The following TM4SF19 variants were observed in gnomAD, a reference collection of about 807,000 sequenced individuals.
TM4SF19 encodes the protein transmembrane 4 L six family member 19.
In TM4SF19, 17 loss-of-function variants were observed where a neutral mutation model predicts 21.8. The ratio of observed to expected loss-of-function variants is 0.78; its 90% CI spans 0.53 to 1.17. TM4SF19 has a LOEUF of 1.17. Among genes scored for constraint, TM4SF19 ranks in the 50% most tolerant of loss-of-function variants. The pLI, the probability that TM4SF19 is intolerant of heterozygous loss-of-function variation, is 0.00. For missense variants in TM4SF19, 216 were observed against 252.1 expected, an observed-to-expected ratio of 0.86 and a Z score of 0.97; for synonymous variants, 107 against 106.7, an observed-to-expected ratio of 1.00 and a Z score of -0.02.
chr3:196,326,324 T>C (rs982484944), intron 3 of TM4SF19, among the ~76,000 whole-genome samples: 1 of 152,112 alleles, frequency 6.6e-6, no homozygotes, highest in Non-Finnish European at 1.5e-5. Context: ...TCCCAACATG[T>C]GGGCTGCAGA....
intron 1 of TM4SF19, among the ~76,000 whole-genome samples, chr3:196,330,635 T>C (rs1396664921): frequency 6.6e-6 from 1 of 152,172 alleles, no homozygotes; most frequent in African/African-American, 2.4e-5. Flanking sequence ...TTTCTATATA[T>C]ACGAAATTCT....
At chr3:196,335,086 T>G (rs1288164850) in intron 1 of TM4SF19, among the ~76,000 whole-genome samples, 1 of 7,748 alleles carries the variant, frequency 1.3e-4, no homozygotes. Context: ...ACTGGGAGGG[T>G]GGGGGTAGGA....
intron 1 of TM4SF19, among the ~76,000 whole-genome samples, chr3:196,331,800 A>G (rs1727523713): frequency 6.6e-6 from 1 of 151,934 alleles, no homozygotes; most frequent in African/African-American, 2.4e-5. Context: ...AAGAAAAAAA[A>G]ATGTAATAGA....
At chr3:196,336,624 T>C (rs1727772717) in intron 1 of TM4SF19, among the ~76,000 whole-genome samples, 1 of 152,224 alleles carries the variant, frequency 6.6e-6, no homozygotes, top group Non-Finnish European at 1.5e-5. Context: ...CCCTAGAAAT[T>C]ATAACATTTG....
At chr3:196,326,206 C>T (rs2108805939) in intron 3 of TM4SF19, among the ~76,000 whole-genome samples, 1 of 152,204 alleles carries the variant, frequency 6.6e-6, no homozygotes, top group East Asian at 1.9e-4. Flanking sequence ...AACTCCTGAC[C>T]TCAGGTGATC....
In TM4SF19 at chr3:196,325,064, G is replaced by A. The variant is rs910686778; in HGVS notation, c.280-624C>T. 31 of 152,310 alleles carry A rather than the reference G, an allele frequency of 2.0e-4. No individual in the cohort carries two copies. The highest frequency in any genetic ancestry group is 7.5e-4 in the African/African-American group (31 of 41,454). The allele number at this position is 152,310 out of a possible 1,614,324, so 9.4% of individuals were successfully genotyped here. A position where few individuals can be genotyped will look rare whatever the true frequency, so the allele number is the denominator to read the frequency against. ...TCTGTCGCTGTGTTTCTCCAGCTGAGAGCTTTCTTGGCCATCAGTCTGTGC... is the reference window on the plus strand; with the variant it reads ...TCTGTCGCTGTGTTTCTCCAGCTGAAAGCTTTCTTGGCCATCAGTCTGTGC... On this transcript the variant is annotated intron_variant, in intron 3 of 4. Coordinates refer to ENST00000273695, the MANE Select transcript of TM4SF19 (RefSeq NM_138461.4). This position sits in a 1 kb window ranked among gnomAD's most constrained non-coding sequence, Gnocchi z 4.3.
intron 1 of TM4SF19, among the ~76,000 whole-genome samples, chr3:196,333,388 C>T (rs950789692): frequency 9.9e-5 from 15 of 151,988 alleles, no homozygotes; most frequent in South Asian, 2.1e-4. Context: ...GTAAGAAGTT[C>T]GCAACAATAA....
At chr3:196,327,181 C>G (rs1195385336) in intron 2 of TM4SF19, 149 bp from the exon 3 acceptor site, 1 of 793,158 alleles carries the variant, frequency 1.3e-6, no homozygotes, top group East Asian at 2.7e-5. Flanking sequence ...TATGACGAGC[C>G]TGATCTAACG....
At chr3:196,327,675 GA>G in intron 1 of TM4SF19, 84 bp from the exon 2 acceptor site, 1 of 1,204,334 alleles carries the variant, frequency 8.3e-7, no homozygotes. Flanking sequence ...ATGGGTGAGG[GA>G]AACAGACTAC....
intron 1 of TM4SF19, among the ~76,000 whole-genome samples, chr3:196,334,380 TC>T (rs1337620759): frequency 2.0e-5 from 3 of 149,362 alleles, no homozygotes; most frequent in Non-Finnish European, 4.5e-5. Context: ...CTTTTCTTTT[TC>T]TTTTTTTTTT....
At chr3:196,335,911 C>G (rs55739218) in intron 1 of TM4SF19, among the ~76,000 whole-genome samples, 53,036 of 151,682 alleles carry the variant, frequency 0.35, 10,302 homozygotes, top group East Asian at 0.81. Flanking sequence ...GATGTCTGAC[C>G]GGGGCCCAAG....
In TM4SF19 at chr3:196,327,525, A is replaced by C; in HGVS notation, c.66T>G (p.Leu22=). 6.2e-7 allele frequency: 1 copy of C among 1,614,122 alleles called. No homozygotes were observed. The highest frequency in any genetic ancestry group is 8.5e-7 in the Non-Finnish European group (1 of 1,180,042). The change falls in exon 2 of 5, where the codon CTT becomes CTG. Residue 22 remains leucine, a synonymous_variant. Coordinates refer to ENST00000273695, the MANE Select transcript of TM4SF19 (RefSeq NM_138461.4). ...RTCSRILGLS[L]GTAALFAAGA... ...CAGCAGCAAACAGGGCTGCAGTCCC[A>C]AGGCTCAGTCCCAGGATACGGGAGC...
Position 196,327,032 on chromosome 3 carries a change from C to T in TM4SF19, c.202G>A (p.Val68Ile), listed in dbSNP as rs150423371. 1.2e-6 allele frequency: 2 copies of T among 1,600,932 alleles called. No homozygotes were observed. Among genetic ancestry groups the T allele is most frequent in the Non-Finnish European group, 8.6e-7 (1 of 1,168,830 alleles). Residue 68 changes from valine to isoleucine, a missense_variant and splice_region_variant, in exon 3 of 5, where the codon GTA (valine) becomes ATA (isoleucine). Transcript: ENST00000273695. Reference protein sequence around the residue: ...GTGLWGGGLMVLTAAILISLM... With the variant: ...GTGLWGGGLMILTAAILISLM... Reference sequence around the variant, plus strand: ...GAGATGAGGATAGCTGCAGTGAGTACCTGCAGGAGAGAGAAGAATGTTGAG... The same window carrying T: ...GAGATGAGGATAGCTGCAGTGAGTATCTGCAGGAGAGAGAAGAATGTTGAG...
rs1017905777 is a variant in TM4SF19 at position 196,325,954 on chromosome 3, T to C, written c.279+1001A>G. On this transcript the variant is annotated intron_variant, in intron 3 of 4. Coordinates refer to ENST00000273695, the MANE Select transcript of TM4SF19 (RefSeq NM_138461.4). This position sits in a 1 kb window ranked among gnomAD's most constrained non-coding sequence, Gnocchi z 4.3. The stretch of plus-strand genomic sequence containing the variant: ...GACAGTGAATGAAATGTGCAAGTGT[T>C]TATTTATTTATCTATGTACTTATTT... Among the ~76,000 whole-genome samples the C allele has an allele frequency of 3.3e-5, 5 of 152,080 alleles. No homozygotes were observed. The highest frequency in any genetic ancestry group is 6.5e-5 in the Admixed American group (1 of 15,270).
In TM4SF19 at chr3:196,324,359, C is replaced by G. The variant is rs780275294; in HGVS notation, c.361G>C (p.Asp121His). 1.2e-6 allele frequency: 2 copies of G among 1,614,206 alleles called. No individual in the cohort carries two copies. Among genetic ancestry groups the G allele is most frequent in the Non-Finnish European group, 1.7e-6 (2 of 1,180,054 alleles). The stretch of plus-strand genomic sequence containing the variant: ...ACATCAAACATGCAAAAAGGACCAT[C>G]TTTCAGAGCAACTCCAGAAGTGACA... ...CFVTSGVALK[D>H]GPFCMFDVSS... The change falls in exon 4 of 5, where the codon GAT becomes CAT. Residue 121 changes from aspartate (D) to histidine (H), a missense_variant. Asp to His is a moderately conservative substitution (Grantham distance 81). Transcript: ENST00000273695.
intron 3 of TM4SF19, among the ~76,000 whole-genome samples, chr3:196,326,354 G>A (rs1345526570): frequency 6.6e-6 from 1 of 151,910 alleles, no homozygotes; most frequent in Non-Finnish European, 1.5e-5. Context: ...AGGCTGTGGA[G>A]TTACCATAAG....
intron 1 of TM4SF19, among the ~76,000 whole-genome samples, chr3:196,328,735 CTG>C (rs1727401315): frequency 6.6e-6 from 1 of 152,132 alleles, no homozygotes. Context: ...AATTGACAAA[CTG>C]AATCTAAATT....
chr3:196,332,393 G>A (rs927588910), intron 1 of TM4SF19, among the ~76,000 whole-genome samples: 2 of 139,566 alleles, frequency 1.4e-5, no homozygotes, highest in African/African-American at 5.2e-5. Flanking sequence ...CAGCCTGGGT[G>A]ACAGAGCAAA....
chr3:196,327,428 C>T lies in TM4SF19; in HGVS notation c.163G>A (p.Ala55Thr). ...CCCCAGAGCCCAGTTCCCAGCATGG[C>T]ATGCCTGCCAAGGAGGCCCCTCAAC... ...YLLRGLLGRH[A>T]MLGTGLWGGG... is the part of the protein sequence containing the mutation. Residue 55 changes from alanine (A) to threonine (T), a missense_variant, in exon 2 of 5, where the codon GCC becomes ACC. By Grantham distance (58) the Ala-to-Thr change is moderately conservative. Coordinates refer to ENST00000273695, the MANE Select transcript of TM4SF19 (RefSeq NM_138461.4). 1.2e-6 allele frequency: 2 copies of T among 1,614,196 alleles called. No homozygotes were observed. The highest frequency in any genetic ancestry group is 1.7e-6 in the Non-Finnish European group (2 of 1,180,034).
Sources: allele counts gnomAD v4.1 joint callset (sites outside exome capture counted in the v4.1 genomes callset), GRCh38; gene constraint gnomAD v4.1.1; non-coding constraint Gnocchi (gnomAD v3.1); transcripts MANE v1.5; gene names NCBI Gene and HGNC (gene_info 2026-07-23, HGNC 2026-07-21).